Variants in ANXA10 observed in about 807,000 individuals in gnomAD.
The protein encoded by ANXA10 is annexin 14.
Under a neutral mutation model 53.5 loss-of-function variants are expected in ANXA10, and 49 were observed. That is an observed-to-expected ratio of 0.92 (90% CI 0.73 to 1.16). The LOEUF is 1.16. Among genes scored for constraint, ANXA10 ranks in the 50% most tolerant of loss-of-function variants. ANXA10 has a pLI of 0.00. For synonymous variants in ANXA10, 131 were observed against 128.9 expected (o/e 1.02, Z -0.11); for missense variants, 393 against 394.4 (o/e 1.00, Z 0.03).
chr4:168,093,414 T>A (rs1730492149), intron 1 of ANXA10, among the ~76,000 whole-genome samples: 1 of 152,180 alleles, frequency 6.6e-6, no homozygotes, highest in African/African-American at 2.4e-5. Flanking sequence ...AACATTAAGT[T>A]GTCTGAATAT....
intron 1 of ANXA10, among the ~76,000 whole-genome samples, chr4:168,115,065 G>A (rs1450430221): frequency 6.6e-6 from 1 of 151,946 alleles, no homozygotes; most frequent in Non-Finnish European, 1.5e-5. Context: ...TTTGTATGGA[G>A]ATACGGTTTT....
intron 3 of ANXA10, among the ~76,000 whole-genome samples, chr4:168,156,137 A>T (rs1347111614): frequency 2.0e-3 from 64 of 31,430 alleles, no homozygotes; most frequent in African/African-American, 8.1e-3. Flanking sequence ...TATATATTAT[A>T]TATAAAAATA....
chr4:168,181,652 T>A, intron 9 of ANXA10, 31 bp from the exon 10 acceptor site: 2 of 1,543,958 alleles, frequency 1.3e-6, no homozygotes, highest in Non-Finnish European at 1.8e-6. Context: ...TCACTCTCAA[T>A]GTTTCTTCTT....
At chr4:168,095,812 A>T (rs949884974) in intron 1 of ANXA10, among the ~76,000 whole-genome samples, 2 of 152,164 alleles carry the variant, frequency 1.3e-5, no homozygotes, top group African/African-American at 4.8e-5. Context: ...TGTAACTCCA[A>T]AATCATTTCT....
rs140052441 is a variant in ANXA10 at position 168,167,535 on chromosome 4, A to G, written c.480+2209A>G. Reference sequence around the variant, plus strand: ...CCATCATAAGTTGAGAAGCCTCTCTATATCCTTGTACCACTTTCATAGCAG... The same window carrying G: ...CCATCATAAGTTGAGAAGCCTCTCTGTATCCTTGTACCACTTTCATAGCAG... On this transcript the variant is annotated intron_variant, in intron 6 of 11. Coordinates refer to ENST00000359299, the MANE Select transcript of ANXA10 (RefSeq NM_007193.5). Among the ~76,000 whole-genome samples, 291 of 152,308 alleles carry G rather than the reference A, an allele frequency of 1.9e-3. 1 individual carries two copies. The highest frequency in any genetic ancestry group is 6.6e-3 in the African/African-American group (275 of 41,554).
chr4:168,115,655 A>G (rs1730882200), intron 1 of ANXA10, among the ~76,000 whole-genome samples: 1 of 152,178 alleles, frequency 6.6e-6, no homozygotes, highest in Non-Finnish European at 1.5e-5. Context: ...GTGAAAAAAA[A>G]GTCTTAATAG....
chr4:168,164,693 C>T lies in ANXA10; in HGVS notation c.400+405C>T, dbSNP rs540478704. Among the ~76,000 whole-genome samples the T allele has an allele frequency of 9.9e-5, 15 of 152,200 alleles. No homozygotes were observed. The East Asian group carries it at 2.7e-3, about 27-fold the overall frequency. ...TCGCTTTACATAAATTTCACATTCC[C>T]GTAATCTACTACAAAATCAGATTTT... On this transcript the variant is annotated intron_variant, in intron 5 of 11. Transcript: ENST00000359299.
chr4:168,121,948 A>G (rs1362770903), intron 1 of ANXA10, among the ~76,000 whole-genome samples: 1 of 152,074 alleles, frequency 6.6e-6, no homozygotes, highest in Non-Finnish European at 1.5e-5. Flanking sequence ...GGTTCAAGCA[A>G]TTCTCTGTCT....
At chr4:168,134,651 C>T (rs557976996) in intron 2 of ANXA10, among the ~76,000 whole-genome samples, 1 of 152,098 alleles carries the variant, frequency 6.6e-6, no homozygotes, top group African/African-American at 2.4e-5. Flanking sequence ...TTGTTTCTGC[C>T]TTTTAGTTCA....
At chr4:168,138,417 A>G (rs745887204) in intron 2 of ANXA10, among the ~76,000 whole-genome samples, 5 of 151,756 alleles carry the variant, frequency 3.3e-5, no homozygotes, top group African/African-American at 9.7e-5. Context: ...GTCTGTTCAT[A>G]TCCTTTGCCC....
At chr4:168,154,569 C>T (rs1217884746) in intron 3 of ANXA10, among the ~76,000 whole-genome samples, 1 of 152,094 alleles carries the variant, frequency 6.6e-6, no homozygotes, top group African/African-American at 2.4e-5. Context: ...AATTTTTCTA[C>T]CTTTCTATCA....
chr4:168,142,894 C>G (rs1731348239), intron 3 of ANXA10, among the ~76,000 whole-genome samples: 1 of 152,112 alleles, frequency 6.6e-6, no homozygotes, highest in Admixed American at 6.5e-5. Context: ...ACTTTTACAT[C>G]TTGCCAATAA....
intron 1 of ANXA10, among the ~76,000 whole-genome samples, chr4:168,102,122 A>ACAC (rs1485183635): frequency 6.6e-6 from 1 of 152,056 alleles, no homozygotes; most frequent in African/African-American, 2.4e-5. Flanking sequence ...TTCAGTCAAA[A>ACAC]CACTATTTTC....
At chr4:168,153,441 ACAAAAAC>A (rs1560782275) in intron 3 of ANXA10, among the ~76,000 whole-genome samples, 1 of 54,326 alleles carries the variant, frequency 1.8e-5, no homozygotes, top group Non-Finnish European at 4.4e-5. Context: ...AAAAAAAAAA[ACAAAAAC>A]AAAAACAAAA....
chr4:168,128,063 T>C (rs1397061296), intron 1 of ANXA10, 21 bp from the exon 2 acceptor site: 2 of 1,587,714 alleles, frequency 1.3e-6, no homozygotes, highest in African/African-American at 2.7e-5. Context: ...ACAATCACTT[T>C]CTCATTGATT....
At chr4:168,174,081 T>G (rs768974280) in intron 6 of ANXA10, among the ~76,000 whole-genome samples, 12 of 152,042 alleles carry the variant, frequency 7.9e-5, no homozygotes, top group Non-Finnish European at 1.5e-4. Flanking sequence ...ACTAAAACCC[T>G]TCACCTTGCT....
chr4:168,129,747 T>C (rs1731129019), intron 2 of ANXA10, among the ~76,000 whole-genome samples: 1 of 152,196 alleles, frequency 6.6e-6, no homozygotes, highest in Non-Finnish European at 1.5e-5. Context: ...GTAGCTCTGA[T>C]AGAAATTGCT....
chr4:168,158,958 A>G (rs1578925623), intron 3 of ANXA10, among the ~76,000 whole-genome samples: 1 of 152,220 alleles, frequency 6.6e-6, no homozygotes, highest in South Asian at 2.1e-4. Context: ...TCCTCCCTCC[A>G]GCTCTTGCTC....
At chr4:168,172,858 C>T (rs1328979618) in intron 6 of ANXA10, among the ~76,000 whole-genome samples, 2 of 150,030 alleles carry the variant, frequency 1.3e-5, no homozygotes, top group African/African-American at 2.5e-5. Context: ...GGCACAATCT[C>T]GGCTCACTGC....
Sources: allele counts gnomAD v4.1 joint callset (sites outside exome capture counted in the v4.1 genomes callset), GRCh38; gene constraint gnomAD v4.1.1; transcripts MANE v1.5; gene names NCBI Gene and HGNC (gene_info 2026-07-23, HGNC 2026-07-21).